FILIP1L: variants seen among roughly 807,000 people sequenced by gnomAD.
FILIP1L encodes filamin A-interacting protein 1-like.
A neutral mutation model predicts 96.6 loss-of-function variants in FILIP1L; 55 were observed. The ratio of observed to expected loss-of-function variants is 0.57; its 90% CI spans 0.46 to 0.71. The LOEUF (loss-of-function observed/expected upper bound fraction) is 0.71. Among genes scored for constraint, FILIP1L ranks in the 30% least tolerant of loss-of-function variants. The pLI is 0.00. For synonymous variants in FILIP1L, 467 were observed against 473.9 expected (o/e 0.99, Z 0.19); for missense variants, 1,304 against 1,321.2 (o/e 0.99, Z 0.20).
rs531877391 is a variant in FILIP1L, at chr3:99,862,983, C to A, written c.606-11913G>T. 1.6e-4 allele frequency among the ~76,000 whole-genome samples: 24 copies of A among 152,300 alleles called. 1 individual carries two copies. Among genetic ancestry groups the A allele is most frequent in the Admixed American group, 1.6e-3 (24 of 15,300 alleles). On this transcript the variant is annotated intron_variant, in intron 4 of 5. Coordinates refer to ENST00000477258, the MANE Select transcript of FILIP1L (RefSeq NM_001387850.1). ...CTCTGCTCATCTTACTCCTGCTCTT[C>A]ATTTTTTGGATGTGAATGTGTACTT...
At chr3:100,093,301 T>C (rs2066145230) in intron 1 of FILIP1L, among the ~76,000 whole-genome samples, 2 of 152,120 alleles carry the variant, frequency 1.3e-5, no homozygotes, top group African/African-American at 2.4e-5. Flanking sequence ...AAACAATGTA[T>C]GTTCATTTTA....
chr3:99,943,053 C>T (rs1286349611), intron 1 of FILIP1L, among the ~76,000 whole-genome samples: 1 of 152,156 alleles, frequency 6.6e-6, no homozygotes, highest in Non-Finnish European at 1.5e-5. Context: ...CTTAGAACAA[C>T]TTTGGACCTC....
intron 1 of FILIP1L, among the ~76,000 whole-genome samples, chr3:99,985,588 GA>G (rs754068745): frequency 3.3e-5 from 5 of 150,862 alleles, no homozygotes; most frequent in Non-Finnish European, 7.4e-5. Flanking sequence ...ATAATCATGA[GA>G]AAAGCTTTTT....
chr3:99,850,627 T>C lies in FILIP1L; in HGVS notation c.1049A>G (p.Glu350Gly). ...TNRSLRKAEE[E>G]LQDIKEKISK... ...GATTTTTTCTTTTATATCTTGCAGCTCCTCTTCTGCTTTTCGTAAAGACCT... is the reference window on the plus strand; with the variant it reads ...GATTTTTTCTTTTATATCTTGCAGCCCCTCTTCTGCTTTTCGTAAAGACCT... Residue 350 changes from glutamate (E) to glycine (G), a missense_variant, in exon 5 of 6, where the codon GAG becomes GGG. Transcript: ENST00000477258. 1 of 1,614,024 alleles carries C rather than the reference T, an allele frequency of 6.2e-7. No individual in the cohort carries two copies. Among genetic ancestry groups the C allele is most frequent in the Non-Finnish European group, 8.5e-7 (1 of 1,180,018 alleles).
At chr3:99,858,160 T>C (rs1944064615) in intron 4 of FILIP1L, among the ~76,000 whole-genome samples, 1 of 152,134 alleles carries the variant, frequency 6.6e-6, no homozygotes. Flanking sequence ...AAATTCAAAC[T>C]AAGATTTTAA....
At chr3:99,892,166 G>A (rs1379725130) in intron 4 of FILIP1L, among the ~76,000 whole-genome samples, 3 of 152,140 alleles carry the variant, frequency 2.0e-5, no homozygotes, top group Admixed American at 6.5e-5. Context: ...GTTCTTATGT[G>A]AATGATGCCA....
chr3:100,050,363 A>T (rs1334465440), intron 1 of FILIP1L, among the ~76,000 whole-genome samples: 1 of 152,184 alleles, frequency 6.6e-6, no homozygotes, highest in Non-Finnish European at 1.5e-5. Flanking sequence ...TTTTAGATTT[A>T]TGTGAAATGC....
chr3:100,020,004 G>C (rs1388601337), intron 1 of FILIP1L, among the ~76,000 whole-genome samples: 1 of 152,068 alleles, frequency 6.6e-6, no homozygotes, highest in Non-Finnish European at 1.5e-5. Flanking sequence ...TATTTTCTGA[G>C]TAATATCACT....
intron 1 of FILIP1L, among the ~76,000 whole-genome samples, chr3:99,949,732 G>A (rs2107686929): frequency 6.6e-6 from 1 of 152,250 alleles, no homozygotes; most frequent in Non-Finnish European, 1.5e-5. Context: ...ATTTGTAGTG[G>A]TTCTTTTAGC....
intron 5 of FILIP1L, among the ~76,000 whole-genome samples, chr3:99,843,901 C>T (rs1428302466): frequency 1.3e-5 from 2 of 152,204 alleles, no homozygotes; most frequent in Admixed American, 6.5e-5. Flanking sequence ...GTGAACTGCA[C>T]ATGCGAGGGG....
At chr3:100,037,939 CTTTT>C (rs150366639) in intron 1 of FILIP1L, among the ~76,000 whole-genome samples, 2 of 118,184 alleles carry the variant, frequency 1.7e-5, no homozygotes, top group Non-Finnish European at 3.3e-5. Context: ...AATCGCTTTT[CTTTT>C]TTTTTTTTTT....
intron 1 of FILIP1L, among the ~76,000 whole-genome samples, chr3:99,942,181 G>A (rs1303314636): frequency 2.6e-5 from 4 of 151,298 alleles, no homozygotes; most frequent in Non-Finnish European, 5.9e-5. Flanking sequence ...CAGCCTGGGT[G>A]AGAGACCAAG....
chr3:99,833,083 C>CT (rs939480764), intron 5 of FILIP1L: 2 of 685,268 alleles, frequency 2.9e-6, no homozygotes, highest in Non-Finnish European at 5.2e-6. Context: ...TTGGAGGCTC[C>CT]TGGGTTTCAT....
At chr3:99,839,235 G>GTGTTGAGC (rs1439438360) in intron 5 of FILIP1L, among the ~76,000 whole-genome samples, 1 of 152,094 alleles carries the variant, frequency 6.6e-6, no homozygotes, top group East Asian at 1.9e-4. Flanking sequence ...TTCCTTCTCT[G>GTGTTGAGC]TGTTGAGCTC....
rs778828328 is a variant in FILIP1L at position 99,849,888 on chromosome 3, T to C, written c.1788A>G (p.Glu596=). The C allele has an allele frequency of 3.1e-6, 5 of 1,612,000 alleles. No individual in the cohort carries two copies. The highest frequency in any genetic ancestry group is 2.2e-5 in the South Asian group (2 of 90,308). Residue 596 remains glutamate, a synonymous_variant, in exon 5 of 6, where the codon GAA becomes GAG. Coordinates refer to ENST00000477258, the MANE Select transcript of FILIP1L (RefSeq NM_001387850.1). ...TTTTTAGGAAATCTTTCTCAATTGC[T>C]TCCAATGATTGAAGCCTATTTTTCA... The part of the protein sequence containing the change: ...NMLKNRLQSL[E]AIEKDFLKNK...
chr3:100,014,827 G>C (rs1285235666), intron 1 of FILIP1L, among the ~76,000 whole-genome samples: 2 of 75,794 alleles, frequency 2.6e-5, no homozygotes, highest in Non-Finnish European at 5.5e-5. Flanking sequence ...TTTTTTTGCT[G>C]TGTCAAAACT....
chr3:100,042,601 G>T (rs1420079530), intron 1 of FILIP1L, among the ~76,000 whole-genome samples: 1 of 152,174 alleles, frequency 6.6e-6, no homozygotes, highest in Non-Finnish European at 1.5e-5. Flanking sequence ...GTTAACCAGA[G>T]TACATAATTA....
intron 1 of FILIP1L, among the ~76,000 whole-genome samples, chr3:100,052,923 G>A (rs1283162246): frequency 6.6e-6 from 1 of 152,136 alleles, no homozygotes; most frequent in Non-Finnish European, 1.5e-5. Flanking sequence ...TTTAAAACCT[G>A]TAATATATAA....
At chr3:100,053,933 A>C (rs566751492) in intron 1 of FILIP1L, among the ~76,000 whole-genome samples, 2 of 152,326 alleles carry the variant, frequency 1.3e-5, no homozygotes, top group South Asian at 4.1e-4. Flanking sequence ...AAGTGTTTCC[A>C]AGCATTGACT....
Sources: gnomAD v4.1 joint callset for allele counts (sites outside exome capture counted in the v4.1 genomes callset) on GRCh38, gnomAD v4.1.1 for gene constraint, MANE v1.5 for transcripts, NCBI Gene and HGNC (gene_info 2026-07-23, HGNC 2026-07-21) for gene names.